Variants in AUTS2 observed in about 807,000 individuals in gnomAD.
The protein encoded by AUTS2 is autism susceptibility gene 2 protein.
In AUTS2, 17 loss-of-function variants were observed where a neutral mutation model predicts 112.4. The observed-to-expected ratio is 0.15, with a 90% CI of 0.10 to 0.23. The LOEUF (loss-of-function observed/expected upper bound fraction) is 0.23. Among genes scored for constraint, AUTS2 ranks in the 10% least tolerant of loss-of-function variants. The pLI is 1.00. For missense variants in AUTS2, 1,510 were observed against 1,701.6 expected (o/e 0.89, Z 1.98); for synonymous variants, 751 against 702.7 (o/e 1.07, Z -1.09).
intron 5 of AUTS2, among the ~76,000 whole-genome samples, chr7:70,587,712 G>A (rs1033929953): frequency 6.6e-6 from 1 of 152,216 alleles, no homozygotes; most frequent in Non-Finnish European, 1.5e-5. Context: ...TGAACCATGT[G>A]AAACTGCCAT....
chr7:70,127,781 C>T (rs367938806), intron 3 of AUTS2, among the ~76,000 whole-genome samples: 1 of 152,174 alleles, frequency 6.6e-6, no homozygotes, highest in African/African-American at 2.4e-5. Flanking sequence ...ACAGTTGAGA[C>T]ATTTTTTCTG....
chr7:70,771,742 C>G lies in AUTS2; in HGVS notation c.1830+98C>G, dbSNP rs557586117. ...CTGCGTCCTCTTGCCTGTGCAGTGA[C>G]TCATTAATCAGGTCCTAAGTGACCA... On this transcript the variant is annotated intron_variant, in intron 11 of 18. Coordinates refer to ENST00000342771, the MANE Select transcript of AUTS2 (RefSeq NM_015570.4). 50 of 1,048,202 alleles carry G rather than the reference C, an allele frequency of 4.8e-5. No homozygotes were observed. The African/African-American group carries it at 5.6e-4, about 12-fold the overall frequency. 64.9% of individuals were successfully genotyped at this position (1,048,202 alleles called of 1,614,324 possible). A position where few individuals can be genotyped will look rare whatever the true frequency, so the allele number is the denominator to read the frequency against.
intron 1 of AUTS2, among the ~76,000 whole-genome samples, chr7:69,809,260 G>T (rs890140760): frequency 6.7e-6 from 1 of 150,200 alleles, no homozygotes; most frequent in African/African-American, 2.4e-5. Flanking sequence ...ATTTTTTTTT[G>T]GTAGAGACGG....
At chr7:69,843,223 G>A in intron 1 of AUTS2, among the ~76,000 whole-genome samples, 1 of 152,102 alleles carries the variant, frequency 6.6e-6, no homozygotes, top group East Asian at 1.9e-4. Flanking sequence ...AGGTGGTCAG[G>A]AAATATCTCA....
chr7:70,560,036 G>A (rs192949911), intron 5 of AUTS2, among the ~76,000 whole-genome samples: 10 of 152,214 alleles, frequency 6.6e-5, no homozygotes, highest in East Asian at 5.8e-4. Context: ...CTCCAGTCAC[G>A]CTGGCCTTTG....
intron 1 of AUTS2, among the ~76,000 whole-genome samples, chr7:69,744,703 G>GACTA: frequency 6.6e-6 from 1 of 152,004 alleles, no homozygotes. Flanking sequence ...CGATGTGGTG[G>GACTA]CATATGCCTG....
chr7:70,098,828 G>A lies in AUTS2; in HGVS notation c.523-19304G>A, dbSNP rs572753734. Among the ~76,000 whole-genome samples, 11 of 151,322 alleles carry A rather than the reference G, an allele frequency of 7.3e-5. No individual in the cohort carries two copies. The East Asian group carries it at 1.6e-3, about 21-fold the overall frequency. The stretch of plus-strand genomic sequence containing the variant: ...AGCAATTCTCCTGCCTCAGCCTCCC[G>A]AGTAGCTGGGATTACAAGCGTGCGC... On this transcript the variant is annotated intron_variant, in intron 2 of 18. Transcript: ENST00000342771.
rs758561061 is a variant in AUTS2, at chr7:70,756,287, A to T, written c.743-6583A>T. Among the ~76,000 whole-genome samples, 4 of 152,218 alleles carry T rather than the reference A, an allele frequency of 2.6e-5. No homozygotes were observed. The South Asian group carries it at 8.3e-4, about 31-fold the overall frequency. ...ATTACTTACTTATTATGTGTTGTGC[A>T]TTGTGGAAAGCACTTTACATGGCCT... On this transcript the variant is annotated intron_variant, in intron 6 of 18. Transcript: ENST00000342771.
intron 2 of AUTS2, among the ~76,000 whole-genome samples, chr7:70,115,167 T>C (rs1333474597): frequency 1.3e-5 from 2 of 152,188 alleles, no homozygotes; most frequent in Non-Finnish European, 2.9e-5. Flanking sequence ...AGTCTGTTTT[T>C]GTGCCTTGGT....
At chr7:70,496,689 A>T (rs1798537403) in intron 5 of AUTS2, among the ~76,000 whole-genome samples, 2 of 134,480 alleles carry the variant, frequency 1.5e-5, no homozygotes, top group Admixed American at 7.7e-5. Flanking sequence ...CCCCACTCAC[A>T]CCACGTACAC....
intron 6 of AUTS2, among the ~76,000 whole-genome samples, chr7:70,738,371 C>T (rs1162405801): frequency 6.7e-6 from 1 of 150,298 alleles, no homozygotes; most frequent in African/African-American, 2.5e-5. Context: ...CTTAGATTAA[C>T]TAGCTTTTTT....
At chr7:70,247,279 G>GTA (rs1450916989) in intron 4 of AUTS2, among the ~76,000 whole-genome samples, 1 of 152,114 alleles carries the variant, frequency 6.6e-6, no homozygotes, top group Non-Finnish European at 1.5e-5. Context: ...AAAGAATACT[G>GTA]TATAATTTCA....
chr7:69,982,543 A>C (rs984220353), intron 2 of AUTS2, among the ~76,000 whole-genome samples: 4 of 152,208 alleles, frequency 2.6e-5, no homozygotes, highest in African/African-American at 9.6e-5. Context: ...TTAGAGAAAA[A>C]TAAAGGCAAA....
chr7:70,482,129 C>T (rs540933656), intron 5 of AUTS2, among the ~76,000 whole-genome samples: 47 of 152,100 alleles, frequency 3.1e-4, no homozygotes, highest in Admixed American at 4.6e-4. Context: ...GATAAATGAT[C>T]GTAATGAAAT....
intron 2 of AUTS2, among the ~76,000 whole-genome samples, chr7:70,025,175 C>A (rs1450967685): frequency 6.6e-6 from 1 of 152,110 alleles, no homozygotes; most frequent in African/African-American, 2.4e-5. Context: ...GTATTTGATG[C>A]TTTGTATTTC....
intron 4 of AUTS2, among the ~76,000 whole-genome samples, chr7:70,159,650 A>G (rs1204206143): frequency 6.6e-6 from 1 of 152,172 alleles, no homozygotes; most frequent in Non-Finnish European, 1.5e-5. Context: ...GGGTGTTTAA[A>G]TACCAAATTT....
At chr7:70,192,787 C>T (rs758915357) in intron 4 of AUTS2, among the ~76,000 whole-genome samples, 1 of 152,210 alleles carries the variant, frequency 6.6e-6, no homozygotes, top group Non-Finnish European at 1.5e-5. Flanking sequence ...ACCACCTCCA[C>T]TGAGACTGCT....
intron 4 of AUTS2, among the ~76,000 whole-genome samples, chr7:70,217,802 T>A (rs1811250130): frequency 6.6e-6 from 1 of 152,222 alleles, no homozygotes; most frequent in African/African-American, 2.4e-5. Flanking sequence ...GTAGCTGGGC[T>A]GCTGCAACAA....
chr7:70,789,839 C>G lies in AUTS2; in HGVS notation c.2623C>G (p.Gln875Glu). 1 of 1,614,192 alleles carries G rather than the reference C, an allele frequency of 6.2e-7. No homozygotes were observed. The change falls in exon 19 of 19, where the codon CAG (glutamine) becomes GAG (glutamate). Residue 875 changes from glutamine (Q) to glutamate (E), a missense_variant. Physicochemically the swap from Gln to Glu is conservative, Grantham distance 29 (BLOSUM62 2). This residue lies in a region of AUTS2 where 788 missense variants were observed against 797.6 expected (regional missense o/e 0.99). Transcript: ENST00000342771. Reference sequence around the variant, plus strand: ...GGGACATACCCGCAGCTCCACTGAACAGATCCGGGCTCATCTGAACACTGA... The same window carrying G: ...GGGACATACCCGCAGCTCCACTGAAGAGATCCGGGCTCATCTGAACACTGA... ...ALGHTRSSTE[Q>E]IRAHLNTEAR...
Sources: allele counts gnomAD v4.1 joint callset (sites outside exome capture counted in the v4.1 genomes callset), GRCh38; gene constraint gnomAD v4.1.1; regional missense constraint gnomAD v4.1.1; transcripts MANE v1.5; gene names NCBI Gene and HGNC (gene_info 2026-07-23, HGNC 2026-07-21).